The following CRHR1 variants were observed in gnomAD, a reference collection of about 807,000 sequenced individuals.
CRHR1 encodes the protein corticotropin releasing hormone receptor 1, also known as corticotropin-releasing hormone receptor 1.
In CRHR1, 28 loss-of-function variants were observed where a neutral mutation model predicts 56.0. The observed-to-expected ratio is 0.50, with a 90% CI of 0.37 to 0.69. The LOEUF (loss-of-function observed/expected upper bound fraction) is 0.69. CRHR1 is among the 30% of genes least tolerant of loss of function. CRHR1 has a pLI of 0.00. For synonymous variants in CRHR1, 195 were observed against 216.5 expected (o/e 0.90, Z 0.87); for missense variants, 376 against 548.0 (o/e 0.69, Z 3.13).
At chr17:45,788,303 C>G (rs1163792252) in intron 1 of CRHR1, among the ~76,000 whole-genome samples, 2 of 152,226 alleles carry the variant, frequency 1.3e-5, no homozygotes, top group Non-Finnish European at 2.9e-5. Flanking sequence ...GTCACCTTCC[C>G]TCTCTGAGCC....
intron 4 of CRHR1, among the ~76,000 whole-genome samples, chr17:45,823,407 T>TC (rs2062088491): frequency 7.1e-6 from 1 of 140,416 alleles, no homozygotes; most frequent in South Asian, 2.5e-4. Context: ...CATTCCCTTT[T>TC]TTTTTTTTTT....
chr17:45,821,538 A>G (rs2143125861), intron 4 of CRHR1, 98 bp downstream of exon 4: 1 of 1,140,032 alleles, frequency 8.8e-7, no homozygotes, highest in East Asian at 2.4e-5. Context: ...GCCAGAGGCT[A>G]ATGTCAAGGC....
chr17:45,833,552 C>T lies in CRHR1; in HGVS notation c.929+15C>T. 6.2e-7 allele frequency: 1 copy of T among 1,612,936 alleles called. No individual in the cohort carries two copies. The highest frequency in any genetic ancestry group is 8.5e-7 in the Non-Finnish European group (1 of 1,179,056). On this transcript the variant is annotated intron_variant, in intron 10 of 12. Coordinates refer to ENST00000314537, the MANE Select transcript of CRHR1 (RefSeq NM_004382.5). ...ATTCAGTACAGGTAACCGGGTACCA[C>T]CTTCCTCAGGCCTCCCCCTGATGAA...
intron 7 of CRHR1, 125 bp downstream of exon 7, chr17:45,830,695 G>A: frequency 1.5e-6 from 2 of 1,307,396 alleles, no homozygotes; most frequent in Non-Finnish European, 2.1e-6. Context: ...GGTAAGGTGT[G>A]CACGATAGCC....
At chr17:45,824,422 G>T (rs2062113894) in intron 4 of CRHR1, among the ~76,000 whole-genome samples, 1 of 152,160 alleles carries the variant, frequency 6.6e-6, no homozygotes, top group Admixed American at 6.5e-5. Context: ...GGGTCTTCGT[G>T]GTTCACCTGT....
intron 3 of CRHR1, 110 bp from the exon 4 acceptor site, chr17:45,821,245 G>A: frequency 3.2e-6 from 3 of 931,820 alleles, no homozygotes; most frequent in Admixed American, 1.7e-5. Context: ...CCAGCCAGCA[G>A]GTGCCTGTAC....
chr17:45,812,188 T>C (rs1415442628), intron 2 of CRHR1, among the ~76,000 whole-genome samples: 1 of 152,244 alleles, frequency 6.6e-6, no homozygotes, highest in Non-Finnish European at 1.5e-5. Context: ...TGTTATACTG[T>C]ACTGTTTAGG....
chr17:45,788,601 A>C (rs2061375207), intron 1 of CRHR1, among the ~76,000 whole-genome samples: 1 of 152,210 alleles, frequency 6.6e-6, no homozygotes, highest in Admixed American at 6.5e-5. Flanking sequence ...GACAAAAGGA[A>C]TTAATACATG....
chr17:45,808,209 C>T (rs763635396), intron 2 of CRHR1, among the ~76,000 whole-genome samples: 6 of 152,322 alleles, frequency 3.9e-5, no homozygotes, highest in East Asian at 3.9e-4. Context: ...GAGTGGAAGA[C>T]GCATGCTTGC....
rs993703511 is a variant in CRHR1 at position 45,833,544 on chromosome 17, G to T, written c.929+7G>T. On this transcript the variant is annotated splice_region_variant and intron_variant, in intron 10 of 12. Coordinates refer to ENST00000314537, the MANE Select transcript of CRHR1 (RefSeq NM_004382.5). ...CTGAGACCATTCAGTACAGGTAACC[G>T]GGTACCACCTTCCTCAGGCCTCCCC... 1 of 1,613,348 alleles carries T rather than the reference G, an allele frequency of 6.2e-7. No homozygotes were observed. Among genetic ancestry groups the T allele is most frequent in the South Asian group, 1.1e-5 (1 of 91,076 alleles).
chr17:45,831,067 G>A, intron 8 of CRHR1, 127 bp downstream of exon 8: 1 of 897,520 alleles, frequency 1.1e-6, no homozygotes, highest in Non-Finnish European at 1.8e-6. Flanking sequence ...CATCTATAAA[G>A]GGAGAGATCT....
chr17:45,790,732 G>A (rs554668446), intron 1 of CRHR1, among the ~76,000 whole-genome samples: 7 of 152,192 alleles, frequency 4.6e-5, no homozygotes, highest in Non-Finnish European at 8.8e-5. Context: ...TCAGAGCCCA[G>A]AAAAACTGGC....
At chr17:45,794,127 T>C (rs1199770903) in intron 1 of CRHR1, among the ~76,000 whole-genome samples, 1 of 152,236 alleles carries the variant, frequency 6.6e-6, no homozygotes, top group Non-Finnish European at 1.5e-5. Context: ...ATTTTTCCAA[T>C]CCATGGCCAA....
chr17:45,829,292 G>A lies in CRHR1; in HGVS notation c.405G>A (p.Leu135=). 6.2e-7 allele frequency: 1 copy of A among 1,614,050 alleles called. No homozygotes were observed. Among genetic ancestry groups the A allele is most frequent in the Non-Finnish European group, 8.5e-7 (1 of 1,180,008 alleles). Residue 135 remains leucine, a synonymous_variant, in exon 5 of 13, where the codon CTG becomes CTA. Transcript: ENST00000314537. ...LGHCISLVAL[L]VAFVLFLRLR... ...ACTGTATCTCCCTGGTGGCCCTCCT[G>A]GTGGCCTTTGTCCTCTTTCTGCGGC...
At chr17:45,827,519 TCA>T (rs1295100255) in intron 4 of CRHR1, 1 of 152,258 alleles carries the variant, frequency 6.6e-6, no homozygotes, top group Non-Finnish European at 1.5e-5. Context: ...CGCCAGGCGC[TCA>T]GAGACCCTCC....
At chr17:45,832,640 C>G (rs1400997904) in intron 8 of CRHR1, among the ~76,000 whole-genome samples, 1 of 152,214 alleles carries the variant, frequency 6.6e-6, no homozygotes, top group Non-Finnish European at 1.5e-5. Flanking sequence ...AAGCAATTAC[C>G]TCCTGCAGCA....
At chr17:45,831,078 G>A in intron 8 of CRHR1, 138 bp downstream of exon 8, 1 of 838,658 alleles carries the variant, frequency 1.2e-6, no homozygotes, top group Non-Finnish European at 1.9e-6. Context: ...GGAGAGATCT[G>A]GGGGCTGGAC....
At position 45,835,118 on chromosome 17, in the gene CRHR1, A is replaced by T; in HGVS notation, c.*354A>T. 1 of 277,314 alleles carries T rather than the reference A, an allele frequency of 3.6e-6. No homozygotes were observed. The highest frequency in any genetic ancestry group is 6.8e-6 in the Non-Finnish European group (1 of 147,874). 17.2% of individuals were successfully genotyped at this position (277,314 alleles called of 1,614,324 possible). A position where few individuals can be genotyped will look rare whatever the true frequency, so the allele number is the denominator to read the frequency against. ...TCCCAGAGCACAAGAAGGCCAGCCC[A>T]CTGGGCCCTGGGGCTGCCCTCGGCA... On this transcript the variant is annotated 3_prime_UTR_variant, in exon 13 of 13. Transcript: ENST00000314537.
chr17:45,829,967 G>A (rs959402016), intron 5 of CRHR1, 127 bp from the exon 6 acceptor site: 10 of 1,441,590 alleles, frequency 6.9e-6, no homozygotes, highest in Non-Finnish European at 9.5e-6. Context: ...TGTGTGACTT[G>A]GCCAGTCAGC....
Sources: gnomAD v4.1 joint callset for allele counts (sites outside exome capture counted in the v4.1 genomes callset) on GRCh38, gnomAD v4.1.1 for gene constraint, MANE v1.5 for transcripts, NCBI Gene and HGNC (gene_info 2026-07-23, HGNC 2026-07-21) for gene names.